Variants in OR2L13 observed in about 807,000 individuals in gnomAD.
The protein encoded by OR2L13 is olfactory receptor 2L13.
Under a neutral mutation model 15.3 loss-of-function variants are expected in OR2L13, and 14 were observed. The ratio of observed to expected loss-of-function variants is 0.91; its 90% CI spans 0.60 to 1.43. The LOEUF is 1.43. OR2L13 is among the 40% of genes most tolerant of loss of function. The probability of loss-of-function intolerance (pLI) is 0.00; values close to 1 mark genes in which losing one functional copy is unlikely to be tolerated. For missense variants in OR2L13, 367 were observed against 387.9 expected, an observed-to-expected ratio of 0.95 and a Z score of 0.45; for synonymous variants, 152 against 142.9, an observed-to-expected ratio of 1.06 and a Z score of -0.45.
At chr1:248,002,802 G>T in the OR2L13 span, among the ~76,000 whole-genome samples, 1 of 151,210 alleles carries the variant, frequency 6.6e-6, no homozygotes, top group African/African-American at 2.4e-5. Flanking sequence ...AGCTTGCAGT[G>T]AGCCGAGATC....
the OR2L13 span, among the ~76,000 whole-genome samples, chr1:247,992,994 G>A: frequency 1.3e-5 from 2 of 152,114 alleles, no homozygotes; most frequent in Admixed American, 6.6e-5. Flanking sequence ...CACCAACAGT[G>A]TATAAGAATT....
the OR2L13 span, among the ~76,000 whole-genome samples, chr1:248,020,119 T>C: frequency 6.6e-6 from 1 of 152,170 alleles, no homozygotes; most frequent in Non-Finnish European, 1.5e-5. Context: ...TCTGGCTTTA[T>C]ACCAATGCCA....
the OR2L13 span, among the ~76,000 whole-genome samples, chr1:248,044,073 A>T: frequency 1.3e-5 from 2 of 152,176 alleles, no homozygotes; most frequent in African/African-American, 4.8e-5. Flanking sequence ...TTCTAGAAAT[A>T]TCAAACTATC....
the OR2L13 span, chr1:248,022,742 A>T: frequency 6.2e-7 from 1 of 1,614,080 alleles, no homozygotes; most frequent in Middle Eastern, 1.6e-4. Flanking sequence ...GATCCCTGCG[A>T]TCTCTGACAG....
chr1:248,076,771 A>C, the OR2L13 span, among the ~76,000 whole-genome samples: 2 of 152,218 alleles, frequency 1.3e-5, no homozygotes, highest in African/African-American at 4.8e-5. Context: ...CTAAATATAC[A>C]TTCATGTTAT....
At chr1:248,098,668 G>A (rs1410919248) in exon 2 of OR2L13, 1 of 152,132 alleles carries the variant, frequency 6.6e-6, no homozygotes, top group African/African-American at 2.4e-5. Context: ...TGAAAAATCA[G>A]TAACCCAAGA....
the OR2L13 span, among the ~76,000 whole-genome samples, chr1:248,079,485 A>G: frequency 2.6e-5 from 4 of 152,170 alleles, no homozygotes; most frequent in Non-Finnish European, 5.9e-5. Context: ...AGAATCAAAA[A>G]CAGGAAAACT....
chr1:247,993,037 GT>G, the OR2L13 span, among the ~76,000 whole-genome samples: 5,128 of 151,822 alleles, frequency 0.034, 247 homozygotes, highest in African/African-American at 0.12. Context: ...AGCATCTGGT[GT>G]TTTTTTTGAT....
the OR2L13 span, among the ~76,000 whole-genome samples, chr1:248,013,313 A>G: frequency 2.6e-5 from 4 of 152,164 alleles, no homozygotes; most frequent in South Asian, 4.1e-4. Flanking sequence ...TAGAGACACA[A>G]TTGCATTACC....
At chr1:248,021,382 T>C in the OR2L13 span, among the ~76,000 whole-genome samples, 1 of 152,204 alleles carries the variant, frequency 6.6e-6, no homozygotes, top group African/African-American at 2.4e-5. Context: ...TTAAAAACAA[T>C]TGGCTTACTA....
At chr1:248,019,110 A>G in the OR2L13 span, among the ~76,000 whole-genome samples, 1 of 152,110 alleles carries the variant, frequency 6.6e-6, no homozygotes, top group Non-Finnish European at 1.5e-5. Context: ...CCATATAAGT[A>G]TCTTTCTGAG....
the OR2L13 span, chr1:247,965,755 T>A: frequency 1.3e-6 from 2 of 1,574,666 alleles, no homozygotes; most frequent in Non-Finnish European, 1.7e-6. Flanking sequence ...TGTAGCTATC[T>A]GTCACCCTTT....
chr1:248,081,795 C>A, the OR2L13 span, among the ~76,000 whole-genome samples: 1 of 152,120 alleles, frequency 6.6e-6, no homozygotes, highest in South Asian at 2.1e-4. Context: ...GACATGGGCT[C>A]AGGATTTACA....
chr1:248,004,712 G>A, the OR2L13 span, among the ~76,000 whole-genome samples: 1 of 152,196 alleles, frequency 6.6e-6, no homozygotes, highest in Non-Finnish European at 1.5e-5. Flanking sequence ...GGACTGGAAT[G>A]TGCCAGCAGT....
the OR2L13 span, among the ~76,000 whole-genome samples, chr1:248,070,086 G>C: frequency 1.6e-4 from 25 of 152,144 alleles, no homozygotes; most frequent in Admixed American, 5.2e-4. Flanking sequence ...AGTTAACAAG[G>C]ATACCCAGGA....
At chr1:248,060,900 C>T in the OR2L13 span, 2 of 1,613,916 alleles carry the variant, frequency 1.2e-6, no homozygotes, top group Non-Finnish European at 1.7e-6. Context: ...TAAATTACAT[C>T]TCCACCATTG....
the OR2L13 span, among the ~76,000 whole-genome samples, chr1:248,087,765 G>GCAC: frequency 6.6e-6 from 1 of 152,122 alleles, no homozygotes. Flanking sequence ...AACAAATTTA[G>GCAC]CACCCAAGTT....
the OR2L13 span, among the ~76,000 whole-genome samples, chr1:247,937,822 A>G: frequency 6.6e-6 from 1 of 152,258 alleles, no homozygotes; most frequent in African/African-American, 2.4e-5. Flanking sequence ...ATAGCATGCC[A>G]ACTAAATGTT....
chr1:247,990,840 C>G, the OR2L13 span: 1 of 1,579,840 alleles, frequency 6.3e-7, no homozygotes, highest in Non-Finnish European at 8.7e-7. Flanking sequence ...GCACGGATAC[C>G]TGGGTCTATG....
Sources: allele counts gnomAD v4.1 joint callset (sites outside exome capture counted in the v4.1 genomes callset), GRCh38; gene constraint gnomAD v4.1.1; transcripts MANE v1.5; gene names NCBI Gene and HGNC (gene_info 2026-07-23, HGNC 2026-07-21).